The following UHRF2 variants were observed in gnomAD, a reference collection of about 807,000 sequenced individuals.
UHRF2 encodes the protein ubiquitin like with PHD and ring finger domains 2.
Under a neutral mutation model 96.8 loss-of-function variants are expected in UHRF2, and 23 were observed. The observed-to-expected ratio is 0.24, with a 90% CI of 0.17 to 0.34. The LOEUF (loss-of-function observed/expected upper bound fraction) is 0.34, where lower values mean the gene tolerates loss of function less well. Among genes scored for constraint, UHRF2 ranks in the 10% least tolerant of loss-of-function variants. The probability of loss-of-function intolerance (pLI) is 1.00; values close to 1 mark genes in which losing one functional copy is unlikely to be tolerated. For missense variants in UHRF2, 685 were observed against 981.5 expected, an observed-to-expected ratio of 0.70 and a Z score of 4.04; for synonymous variants, 385 against 332.6, an observed-to-expected ratio of 1.16 and a Z score of -1.72.
intron 3 of UHRF2, among the ~76,000 whole-genome samples, chr9:6,439,864 A>T (rs760479236): frequency 6.6e-6 from 1 of 152,182 alleles, no homozygotes; most frequent in Admixed American, 6.5e-5. Flanking sequence ...TTCTAGTGGT[A>T]TTTTGAACAG....
intron 4 of UHRF2, chr9:6,468,369 C>A: frequency 2.2e-6 from 1 of 447,070 alleles, no homozygotes; most frequent in Non-Finnish European, 4.5e-6. Flanking sequence ...GGACAGCTGG[C>A]AGTAGATTAG....
chr9:6,475,573 A>G lies in UHRF2; in HGVS notation c.973+73A>G, dbSNP rs186326316. The G allele has an allele frequency of 1.4e-4, 101 of 738,696 alleles. No individual in the cohort carries two copies. In the African/African-American group the frequency reaches 1.7e-3, roughly 12 times the overall value. 45.8% of individuals were successfully genotyped at this position (738,696 alleles called of 1,614,324 possible). A position where few individuals can be genotyped will look rare whatever the true frequency, so the allele number is the denominator to read the frequency against. On this transcript the variant is annotated intron_variant, in intron 5 of 15. Transcript: ENST00000276893. ...TGAACTTTATTTTTACTGGTCAGTGAATAACTTGGAAGGAAGTATAAAACT... is the reference window on the plus strand; with the variant it reads ...TGAACTTTATTTTTACTGGTCAGTGGATAACTTGGAAGGAAGTATAAAACT...
chr9:6,474,757 A>G (rs1208405598), intron 4 of UHRF2, among the ~76,000 whole-genome samples: 1 of 152,140 alleles, frequency 6.6e-6, no homozygotes, highest in Non-Finnish European at 1.5e-5. Context: ...ACAAATCCAC[A>G]CCCGTAGTAG....
Position 6,433,359 on chromosome 9 carries a change from T to A in UHRF2, c.385-555T>A, listed in dbSNP as rs78241981. ...TCTTTGAGGTGGTAGATAAATGTATTTGCCTAGTGAGTTACTAACTAGTGA... is the reference window on the plus strand; with the variant it reads ...TCTTTGAGGTGGTAGATAAATGTATATGCCTAGTGAGTTACTAACTAGTGA... On this transcript the variant is annotated intron_variant, in intron 2 of 15. Coordinates refer to ENST00000276893, the MANE Select transcript of UHRF2 (RefSeq NM_152896.3). 1.2e-3 allele frequency among the ~76,000 whole-genome samples: 187 copies of A among 152,364 alleles called. 2 individuals carry two copies. In the East Asian group the frequency reaches 0.023, roughly 19 times the overall value.
intron 10 of UHRF2, chr9:6,495,441 A>G (rs1249807104): frequency 6.6e-6 from 1 of 152,218 alleles, no homozygotes; most frequent in African/African-American, 2.4e-5. Context: ...TCTTACAAAC[A>G]TGAAAACTGA....
rs200992720 is a variant in UHRF2, at chr9:6,500,750, A to G, written c.2163+41A>G. ...TTTAAATAATAACATTCTGATATTA[A>G]CAAATGATAAATAATTGTCTCATGA... is the stretch of plus-strand genomic sequence containing the variant. On this transcript the variant is annotated intron_variant, in intron 14 of 15. Coordinates refer to ENST00000276893, the MANE Select transcript of UHRF2 (RefSeq NM_152896.3). The G allele has an allele frequency of 3.3e-6, 5 of 1,531,386 alleles. No individual in the cohort carries two copies. The East Asian group carries it at 1.2e-4, about 35-fold the overall frequency. The allele number at this position is 1,531,386 out of a possible 1,614,324, so 94.9% of individuals were successfully genotyped here.
chr9:6,487,827 T>C (rs1211441276), intron 9 of UHRF2, among the ~76,000 whole-genome samples: 1 of 152,252 alleles, frequency 6.6e-6, no homozygotes, highest in Non-Finnish European at 1.5e-5. Context: ...TTGGTCATTC[T>C]TCTTTAAGTT....
At chr9:6,467,670 G>C (rs968292980) in intron 4 of UHRF2, among the ~76,000 whole-genome samples, 1 of 142,060 alleles carries the variant, frequency 7.0e-6, no homozygotes, top group African/African-American at 2.6e-5. Flanking sequence ...CTGTTGGGCT[G>C]ACAGAAGTTG....
intron 9 of UHRF2, among the ~76,000 whole-genome samples, chr9:6,488,329 C>T (rs1021118306): frequency 7.2e-6 from 1 of 139,740 alleles, no homozygotes; most frequent in South Asian, 2.3e-4. Context: ...GATCCTGTGC[C>T]CTCTACCCAG....
At chr9:6,413,889 A>C in intron 1 of UHRF2, 1 of 405,088 alleles carries the variant, frequency 2.5e-6, no homozygotes, top group South Asian at 7.6e-5. Flanking sequence ...TCCGGAGCGC[A>C]AATATCTCGC....
chr9:6,488,251 TAAAAAAAAAAAAAAAAAAAAAA>T (rs777979832), intron 9 of UHRF2, among the ~76,000 whole-genome samples: 7 of 52,570 alleles, frequency 1.3e-4, no homozygotes, highest in East Asian at 1.2e-3. Flanking sequence ...CCTGTCTCCT[TAAAAAAAAAAAAAAAAAAAAAA>T]AAAAAAAAAA....
At chr9:6,489,096 C>T (rs939611991) in intron 9 of UHRF2, among the ~76,000 whole-genome samples, 1 of 152,212 alleles carries the variant, frequency 6.6e-6, no homozygotes, top group African/African-American at 2.4e-5. Flanking sequence ...AGGCGTGAGC[C>T]ACTGCTCCCA....
At chr9:6,455,024 G>C (rs995777499) in intron 3 of UHRF2, among the ~76,000 whole-genome samples, 8 of 152,174 alleles carry the variant, frequency 5.3e-5, no homozygotes, top group Admixed American at 6.5e-5. Context: ...CACTGCTGTA[G>C]TAGCCTGGCC....
intron 3 of UHRF2, among the ~76,000 whole-genome samples, chr9:6,437,462 A>T (rs1820919032): frequency 6.6e-6 from 1 of 152,080 alleles, no homozygotes; most frequent in East Asian, 1.9e-4. Context: ...TGAACTCTGG[A>T]CCTCAGGTGA....
At chr9:6,432,563 G>T (rs1364398751) in intron 2 of UHRF2, among the ~76,000 whole-genome samples, 1 of 152,034 alleles carries the variant, frequency 6.6e-6, no homozygotes. Flanking sequence ...CAGAGCCTTT[G>T]TTTCCGTATT....
At chr9:6,474,470 C>T (rs1316770655) in intron 4 of UHRF2, among the ~76,000 whole-genome samples, 1 of 152,140 alleles carries the variant, frequency 6.6e-6, no homozygotes, top group Non-Finnish European at 1.5e-5. Context: ...CTTTGGGAGG[C>T]CGAGGCGGGC....
intron 3 of UHRF2, among the ~76,000 whole-genome samples, chr9:6,439,571 A>G (rs915886180): frequency 2.0e-5 from 3 of 152,260 alleles, no homozygotes; most frequent in Non-Finnish European, 4.4e-5. Flanking sequence ...ATCATGTACA[A>G]AGTAGATAGA....
chr9:6,451,229 T>G (rs1821842778), intron 3 of UHRF2, among the ~76,000 whole-genome samples: 1 of 152,214 alleles, frequency 6.6e-6, no homozygotes. Context: ...CTAGTGAACT[T>G]GGTGTGCTTT....
At chr9:6,490,061 A>G (rs1713917278) in intron 9 of UHRF2, among the ~76,000 whole-genome samples, 1 of 152,160 alleles carries the variant, frequency 6.6e-6, no homozygotes. Flanking sequence ...AGCTCTTGGA[A>G]TTTTTTGAAG....
Sources: gnomAD v4.1 joint callset for allele counts (sites outside exome capture counted in the v4.1 genomes callset) on GRCh38, gnomAD v4.1.1 for gene constraint, MANE v1.5 for transcripts, NCBI Gene and HGNC (gene_info 2026-07-23, HGNC 2026-07-21) for gene names.